CSGALNACT1: variants seen among roughly 807,000 people sequenced by gnomAD.
CSGALNACT1 encodes the protein beta4GalNAcT-1.
A neutral mutation model predicts 51.0 loss-of-function variants in CSGALNACT1; 52 were observed. That is an observed-to-expected ratio of 1.02 (90% CI 0.82 to 1.29). The LOEUF is 1.29. Ranked by LOEUF, CSGALNACT1 falls within the 50% of genes most tolerant of loss-of-function variation. The pLI, the probability that CSGALNACT1 is intolerant of heterozygous loss-of-function variation, is 0.00. For synonymous variants in CSGALNACT1, 341 were observed against 254.4 expected (o/e 1.34, Z -3.24); for missense variants, 935 against 679.2 (o/e 1.38, Z -4.19).
At chr8:19,646,116 G>C (rs1457332917) in intron 1 of CSGALNACT1, among the ~76,000 whole-genome samples, 1 of 152,188 alleles carries the variant, frequency 6.6e-6, no homozygotes, top group Non-Finnish European at 1.5e-5. Context: ...AAAGAGTGAA[G>C]AAGATTGGCA....
intron 1 of CSGALNACT1, among the ~76,000 whole-genome samples, chr8:19,623,524 A>G (rs1200908336): frequency 6.6e-6 from 1 of 152,220 alleles, no homozygotes; most frequent in Non-Finnish European, 1.5e-5. Flanking sequence ...ATATCCACCA[A>G]CTGTAGAATG....
chr8:19,674,131 T>A (rs1350643779), intron 1 of CSGALNACT1, among the ~76,000 whole-genome samples: 4 of 151,944 alleles, frequency 2.6e-5, no homozygotes, highest in Non-Finnish European at 5.9e-5. Flanking sequence ...TTACTAAAAA[T>A]ACGAAAAAAG....
At chr8:19,455,583 C>G (rs1161420578) in intron 5 of CSGALNACT1, among the ~76,000 whole-genome samples, 1 of 152,130 alleles carries the variant, frequency 6.6e-6, no homozygotes. Context: ...TGAATAACCC[C>G]TTCTTTGGGT....
intron 3 of CSGALNACT1, among the ~76,000 whole-genome samples, chr8:19,530,727 T>A (rs538774631): frequency 6.6e-6 from 1 of 152,038 alleles, no homozygotes; most frequent in Non-Finnish European, 1.5e-5. Context: ...CAAGACCTTA[T>A]CTCATAAAGG....
At chr8:19,676,905 G>A (rs990702684) in intron 1 of CSGALNACT1, among the ~76,000 whole-genome samples, 4 of 152,150 alleles carry the variant, frequency 2.6e-5, no homozygotes, top group Admixed American at 6.5e-5. Flanking sequence ...AATGAAGCCC[G>A]ATTAGAACTG....
intron 9 of CSGALNACT1, among the ~76,000 whole-genome samples, chr8:19,407,762 G>A: frequency 6.6e-6 from 1 of 152,012 alleles, no homozygotes; most frequent in East Asian, 1.9e-4. Context: ...GTGGACATTT[G>A]TGTATATGAA....
intron 8 of CSGALNACT1, among the ~76,000 whole-genome samples, chr8:19,410,859 G>A (rs768827148): frequency 9.9e-5 from 15 of 152,190 alleles, no homozygotes; most frequent in Admixed American, 5.9e-4. Flanking sequence ...AGGGCAAGAC[G>A]GAGTTCCCTC....
intron 3 of CSGALNACT1, among the ~76,000 whole-genome samples, chr8:19,571,114 A>G (rs1303711658): frequency 6.6e-6 from 1 of 152,052 alleles, no homozygotes; most frequent in Admixed American, 6.6e-5. Context: ...GGAACCAAAG[A>G]AGTGTGTCAC....
intron 1 of CSGALNACT1, among the ~76,000 whole-genome samples, chr8:19,626,866 C>G (rs963493706): frequency 2.0e-5 from 3 of 152,090 alleles, no homozygotes; most frequent in African/African-American, 7.2e-5. Context: ...CCACTACACA[C>G]CTATTAGAAT....
At chr8:19,563,234 A>G (rs756165660) in intron 3 of CSGALNACT1, among the ~76,000 whole-genome samples, 9 of 152,144 alleles carry the variant, frequency 5.9e-5, no homozygotes, top group Non-Finnish European at 1.2e-4. Context: ...CAATGAGAAC[A>G]TATGGACACA....
chr8:19,507,283 GA>G (rs1296688589), intron 3 of CSGALNACT1, among the ~76,000 whole-genome samples: 1 of 152,122 alleles, frequency 6.6e-6, no homozygotes, highest in Non-Finnish European at 1.5e-5. Flanking sequence ...CAGTGTCTAT[GA>G]GGAATTCTGT....
chr8:19,656,591 GC>G (rs750379318), intron 1 of CSGALNACT1, among the ~76,000 whole-genome samples: 1,908 of 83,850 alleles, frequency 0.023, 51 homozygotes, highest in African/African-American at 0.075. Flanking sequence ...GAGAAACTAC[GC>G]CCCCCCCCCA....
chr8:19,624,165 C>T (rs2054167290), intron 1 of CSGALNACT1, among the ~76,000 whole-genome samples: 1 of 152,182 alleles, frequency 6.6e-6, no homozygotes, highest in Non-Finnish European at 1.5e-5. Flanking sequence ...AACAGTGTAG[C>T]CCCTCTGAGA....
chr8:19,626,279 CA>C (rs1032301343), intron 1 of CSGALNACT1, among the ~76,000 whole-genome samples: 1 of 151,970 alleles, frequency 6.6e-6, no homozygotes, highest in African/African-American at 2.4e-5. Context: ...TAAGAATGGC[CA>C]GCACATTTAT....
chr8:19,701,359 G>T (rs1255388859), intron 1 of CSGALNACT1, among the ~76,000 whole-genome samples: 1 of 151,006 alleles, frequency 6.6e-6, no homozygotes, highest in African/African-American at 2.5e-5. Context: ...TCACCATGTT[G>T]GCCAGGCTGG....
At chr8:19,461,345 G>A (rs2065308572) in intron 4 of CSGALNACT1, among the ~76,000 whole-genome samples, 2 of 152,200 alleles carry the variant, frequency 1.3e-5, no homozygotes, top group Admixed American at 1.3e-4. Context: ...ATCACAAGGT[G>A]AACCACCAAC....
chr8:19,504,614 G>A (rs905735374), intron 4 of CSGALNACT1, among the ~76,000 whole-genome samples: 4 of 152,186 alleles, frequency 2.6e-5, no homozygotes, highest in African/African-American at 9.7e-5. Flanking sequence ...TAGTTTCCAT[G>A]TGCTCTGACA....
intron 9 of CSGALNACT1, among the ~76,000 whole-genome samples, chr8:19,408,244 T>C (rs17128368): frequency 0.014 from 2,096 of 152,184 alleles, 61 homozygotes; most frequent in African/African-American, 0.048. Flanking sequence ...GTGGAGATCA[T>C]AGGGGCTAAA....
At chr8:19,612,628 G>A (rs1305449234) in intron 1 of CSGALNACT1, among the ~76,000 whole-genome samples, 1 of 152,050 alleles carries the variant, frequency 6.6e-6, no homozygotes, top group Non-Finnish European at 1.5e-5. Flanking sequence ...TTCAAGGAGT[G>A]AAAAGGAGGC....
Sources: allele counts gnomAD v4.1 joint callset (sites outside exome capture counted in the v4.1 genomes callset), GRCh38; gene constraint gnomAD v4.1.1; transcripts MANE v1.5; gene names NCBI Gene and HGNC (gene_info 2026-07-23, HGNC 2026-07-21).